The following PTPRD variants were observed in gnomAD, a reference collection of about 807,000 sequenced individuals.
PTPRD encodes receptor-type tyrosine-protein phosphatase delta.
PTPRD carries 34 observed loss-of-function variants against 214.5 expected under a neutral mutation model. The ratio of observed to expected loss-of-function variants is 0.16; its 90% CI spans 0.12 to 0.21. The LOEUF is 0.21. PTPRD is among the 10% of genes least tolerant of loss of function. The pLI, the probability that PTPRD is intolerant of heterozygous loss-of-function variation, is 1.00. For synonymous variants in PTPRD, 1,128 were observed against 845.7 expected (o/e 1.33, Z -5.79); for missense variants, 2,545 against 2,398.7 (o/e 1.06, Z -1.27).
intron 3 of PTPRD, among the ~76,000 whole-genome samples, chr9:10,126,945 A>G (rs1591820139): frequency 9.5e-6 from 1 of 104,826 alleles, no homozygotes; most frequent in Non-Finnish European, 2.0e-5. Flanking sequence ...TCTCAAATGG[A>G]CTTTTTTTTT....
At chr9:10,300,468 G>C (rs2154406439) in intron 3 of PTPRD, among the ~76,000 whole-genome samples, 1 of 152,322 alleles carries the variant, frequency 6.6e-6, no homozygotes, top group East Asian at 1.9e-4. Context: ...GTCTGGCTCT[G>C]TGGGTCCCCC....
chr9:9,422,176 T>A (rs1324038017), intron 8 of PTPRD, among the ~76,000 whole-genome samples: 1 of 152,122 alleles, frequency 6.6e-6, no homozygotes. Flanking sequence ...ATATGTGAGA[T>A]AAGTACAATT....
chr9:9,764,359 TA>T (rs1438493223), intron 6 of PTPRD, among the ~76,000 whole-genome samples: 2 of 152,266 alleles, frequency 1.3e-5, no homozygotes, highest in East Asian at 3.9e-4. Flanking sequence ...GAAGACCCCT[TA>T]TGTATGACAC....
At chr9:9,003,949 T>G (rs1223150602) in intron 11 of PTPRD, among the ~76,000 whole-genome samples, 1 of 152,098 alleles carries the variant, frequency 6.6e-6, no homozygotes, top group Non-Finnish European at 1.5e-5. Context: ...TTATGGCCAT[T>G]GCATTCCTAA....
At chr9:9,795,815 C>CA (rs2098998660) in intron 5 of PTPRD, among the ~76,000 whole-genome samples, 1 of 152,018 alleles carries the variant, frequency 6.6e-6, no homozygotes, top group Non-Finnish European at 1.5e-5. Flanking sequence ...CTTCTTCTGA[C>CA]AATGTCTGGG....
intron 12 of PTPRD, among the ~76,000 whole-genome samples, chr9:8,674,390 G>A (rs1016832629): frequency 2.7e-5 from 4 of 150,584 alleles, no homozygotes; most frequent in East Asian, 2.0e-4. Flanking sequence ...CCCAGGAGGC[G>A]GAGGTTGCAG....
At position 10,478,501 on chromosome 9, in the gene PTPRD, T is replaced by G. The variant is rs182392269; in HGVS notation, c.-600+133897A>C. Among the ~76,000 whole-genome samples the G allele has an allele frequency of 2.7e-3, 416 of 152,228 alleles. 4 individuals are homozygous for G. The highest frequency in any genetic ancestry group is 9.5e-3 in the African/African-American group (394 of 41,546). On this transcript the variant is annotated intron_variant, in intron 2 of 45. Transcript: ENST00000381196. ...TTAGACTCCTGCCTAGAAGATGCAT[T>G]TTTCTATAGCACTGTGCCCTTTATA...
chr9:9,343,320 G>T (rs576518241), intron 9 of PTPRD, among the ~76,000 whole-genome samples: 1 of 152,066 alleles, frequency 6.6e-6, no homozygotes, highest in African/African-American at 2.4e-5. Flanking sequence ...TTCCTCAATG[G>T]TTAACTAATT....
intron 2 of PTPRD, among the ~76,000 whole-genome samples, chr9:10,444,290 A>T (rs2098783004): frequency 6.6e-6 from 1 of 151,882 alleles, no homozygotes; most frequent in African/African-American, 2.4e-5. Context: ...AATAGACAAT[A>T]TCTAAATTTT....
At chr9:9,346,386 A>C (rs1187660669) in intron 9 of PTPRD, among the ~76,000 whole-genome samples, 3 of 152,176 alleles carry the variant, frequency 2.0e-5, no homozygotes, top group Non-Finnish European at 2.9e-5. Flanking sequence ...GTAACCAAAA[A>C]TTAACTGAGA....
chr9:9,907,029 T>G (rs2077755680), intron 5 of PTPRD, among the ~76,000 whole-genome samples: 1 of 151,706 alleles, frequency 6.6e-6, no homozygotes, highest in Non-Finnish European at 1.5e-5. Flanking sequence ...TTTTCTTATT[T>G]TAAATCTCAC....
intron 11 of PTPRD, among the ~76,000 whole-genome samples, chr9:8,885,449 AT>A (rs1003141854): frequency 1.3e-5 from 2 of 148,314 alleles, no homozygotes; most frequent in African/African-American, 4.9e-5. Context: ...AGATTTTCTG[AT>A]GCCAATACAT....
chr9:9,112,966 TTC>T lies in PTPRD; in HGVS notation c.-143+70336_-143+70337del, dbSNP rs1225112496. 3.9e-3 allele frequency among the ~76,000 whole-genome samples: 587 copies of T among 149,108 alleles called. 2 individuals are homozygous for T. Among genetic ancestry groups the T allele is most frequent in the African/African-American group, 0.013 (520 of 41,002 alleles). The stretch of plus-strand genomic sequence containing the variant: ...TTTAGAAATCTGAGCTCCTATTTTT[TTC>T]TTTTTTTTTTGTTTGAGACAGAGTC... On this transcript the variant is annotated intron_variant, in intron 10 of 45. Coordinates refer to ENST00000381196, the MANE Select transcript of PTPRD (RefSeq NM_002839.4).
chr9:8,319,363 G>C (rs1047675780), intron 45 of PTPRD, among the ~76,000 whole-genome samples: 6 of 151,816 alleles, frequency 4.0e-5, no homozygotes, highest in African/African-American at 9.7e-5. Context: ...AATATCTCTA[G>C]GCTTATCCAG....
chr9:9,730,658 G>C (rs1363270329), intron 7 of PTPRD, among the ~76,000 whole-genome samples: 1 of 152,028 alleles, frequency 6.6e-6, no homozygotes. Context: ...AAACTTACTA[G>C]GATAATAGTA....
intron 2 of PTPRD, among the ~76,000 whole-genome samples, chr9:10,585,666 TG>T (rs2073654529): frequency 6.6e-6 from 1 of 151,946 alleles, no homozygotes; most frequent in Non-Finnish European, 1.5e-5. Flanking sequence ...ATCTCTAAAT[TG>T]TAGGAATGCA....
chr9:8,776,468 A>AC (rs2095479203), intron 11 of PTPRD, among the ~76,000 whole-genome samples: 1 of 151,952 alleles, frequency 6.6e-6, no homozygotes, highest in Non-Finnish European at 1.5e-5. Context: ...TGTCCAGCTA[A>AC]TTTTTGGTTA....
intron 3 of PTPRD, among the ~76,000 whole-genome samples, chr9:10,147,046 C>T (rs776746245): frequency 1.3e-5 from 2 of 152,068 alleles, no homozygotes; most frequent in African/African-American, 4.8e-5. Flanking sequence ...CAAAATGAGA[C>T]CATTAACATT....
chr9:10,411,367 T>G lies in PTPRD; in HGVS notation c.-599-70350A>C, dbSNP rs563579790. Among the ~76,000 whole-genome samples the G allele has an allele frequency of 4.0e-4, 61 of 151,932 alleles. No individual in the cohort carries two copies. The South Asian group carries it at 0.013, about 32-fold the overall frequency. On this transcript the variant is annotated intron_variant, in intron 2 of 45. Transcript: ENST00000381196. ...TCCAGTTAGGAACAGGATTTCCCAG[T>G]TCATCATGAAAGGATGCAACCATAT...
Sources: allele counts gnomAD v4.1 joint callset (sites outside exome capture counted in the v4.1 genomes callset), GRCh38; gene constraint gnomAD v4.1.1; transcripts MANE v1.5; gene names NCBI Gene and HGNC (gene_info 2026-07-23, HGNC 2026-07-21).